CEP63: variants seen among roughly 807,000 people sequenced by gnomAD.
CEP63 encodes the protein centrosomal protein 63.
A neutral mutation model predicts 89.1 loss-of-function variants in CEP63; 84 were observed. The ratio of observed to expected loss-of-function variants is 0.94; its 90% confidence interval spans 0.79 to 1.13. CEP63 has a LOEUF of 1.13. Ranked by LOEUF, CEP63 falls within the 50% of genes most tolerant of loss-of-function variation. The pLI is 0.00. For synonymous variants in CEP63, 267 were observed against 272.5 expected (o/e 0.98, Z 0.20); for missense variants, 838 against 813.3 (o/e 1.03, Z -0.37).
chr3:134,573,960 G>T (rs184134925), intron 11 of CEP63, among the ~76,000 whole-genome samples: 1 of 152,190 alleles, frequency 6.6e-6, no homozygotes, highest in Admixed American at 6.5e-5. Flanking sequence ...GATGGTGAGT[G>T]CTCTTCTCCT....
intron 11 of CEP63, among the ~76,000 whole-genome samples, chr3:134,574,536 G>A (rs1229679665): frequency 6.6e-6 from 1 of 152,080 alleles, no homozygotes; most frequent in Non-Finnish European, 1.5e-5. Flanking sequence ...CTTCAAATTA[G>A]CATTTCTCAT....
chr3:134,765,797 G>A, the CEP63 span, among the ~76,000 whole-genome samples: 2 of 152,184 alleles, frequency 1.3e-5, no homozygotes, highest in African/African-American at 4.8e-5. Context: ...AGCAGCATCA[G>A]CATCACCTGA....
chr3:134,537,133 A>T (rs1446015468), intron 5 of CEP63, 22 bp from the exon 6 acceptor site: 7 of 1,453,062 alleles, frequency 4.8e-6, no homozygotes, highest in South Asian at 3.4e-5. Context: ...TCAGAAATTA[A>T]GTACTCTAAT....
chr3:134,555,602 C>T (rs1371995243), intron 12 of CEP63, among the ~76,000 whole-genome samples: 3 of 152,012 alleles, frequency 2.0e-5, no homozygotes, highest in African/African-American at 7.3e-5. Flanking sequence ...AACTACAAAC[C>T]ACTGCTCAAG....
At chr3:134,526,707 T>C (rs2108894942) in intron 3 of CEP63, among the ~76,000 whole-genome samples, 1 of 152,316 alleles carries the variant, frequency 6.6e-6, no homozygotes, top group South Asian at 2.1e-4. Context: ...GTTCTTGCAC[T>C]ATTTCTTTCT....
At chr3:134,669,489 T>A in the CEP63 span, among the ~76,000 whole-genome samples, 1 of 152,200 alleles carries the variant, frequency 6.6e-6, no homozygotes, top group African/African-American at 2.4e-5. Context: ...GGGCCCAAGT[T>A]GCTTTTCAGC....
At chr3:134,617,480 G>A in the CEP63 span, among the ~76,000 whole-genome samples, 6 of 152,254 alleles carry the variant, frequency 3.9e-5, no homozygotes, top group South Asian at 4.1e-4. Context: ...GTATACAATC[G>A]ATAGGATGTA....
chr3:134,617,600 A>AT, the CEP63 span, among the ~76,000 whole-genome samples: 1 of 152,226 alleles, frequency 6.6e-6, no homozygotes, highest in Non-Finnish European at 1.5e-5. Flanking sequence ...CAGAGTAATA[A>AT]TTTCTTTTTT....
chr3:134,544,635 GT>G (rs566801452), intron 6 of CEP63, among the ~76,000 whole-genome samples: 2 of 92,974 alleles, frequency 2.2e-5, no homozygotes, highest in African/African-American at 3.5e-5. Context: ...CATGCTCTAG[GT>G]GGGGGGGGGA....
intron 3 of CEP63, among the ~76,000 whole-genome samples, chr3:134,509,819 A>G (rs1056692316): frequency 6.6e-6 from 1 of 152,228 alleles, no homozygotes; most frequent in African/African-American, 2.4e-5. Context: ...TTGAAAACAA[A>G]TGGTCCAACC....
intron 2 of CEP63, among the ~76,000 whole-genome samples, chr3:134,504,256 A>AT (rs113610839): frequency 0.66 from 100,092 of 151,790 alleles, 33,394 homozygotes; most frequent in East Asian, 0.81. Context: ...TCCCATATGC[A>AT]TTTTTTGTAG....
chr3:134,561,001 T>C (rs1335498715), intron 14 of CEP63, among the ~76,000 whole-genome samples: 1 of 152,258 alleles, frequency 6.6e-6, no homozygotes, highest in Non-Finnish European at 1.5e-5. Context: ...GCATCTAATT[T>C]ATTTTTGTTA....
intron 6 of CEP63, among the ~76,000 whole-genome samples, chr3:134,543,130 A>G (rs1013878265): frequency 1.4e-4 from 22 of 152,176 alleles, no homozygotes; most frequent in African/African-American, 5.1e-4. Context: ...AAAATTTTCT[A>G]CTAGTCACAT....
At chr3:134,670,339 G>A in the CEP63 span, among the ~76,000 whole-genome samples, 167 of 152,298 alleles carry the variant, frequency 1.1e-3, no homozygotes, top group African/African-American at 3.9e-3. Context: ...TAAAAAAAGA[G>A]TTGCTAGCTA....
At chr3:134,566,997 C>A (rs1957793521), downstream of CEP63, among the ~76,000 whole-genome samples, 1 of 152,012 alleles carries the variant, frequency 6.6e-6, no homozygotes, top group Non-Finnish European at 1.5e-5. Flanking sequence ...CACAATAACA[C>A]CAAAGTGGAA....
chr3:134,743,536 C>A, the CEP63 span, among the ~76,000 whole-genome samples: 1 of 152,136 alleles, frequency 6.6e-6, no homozygotes, highest in Non-Finnish European at 1.5e-5. Flanking sequence ...ACTGAGGATT[C>A]ACTCCATGTA....
At chr3:134,685,939 G>T in the CEP63 span, among the ~76,000 whole-genome samples, 1 of 152,194 alleles carries the variant, frequency 6.6e-6, no homozygotes, top group African/African-American at 2.4e-5. Flanking sequence ...TCCATGCCAG[G>T]CTCTGGGCTA....
chr3:134,504,966 C>A (rs71331765), intron 2 of CEP63, among the ~76,000 whole-genome samples: 1 of 151,994 alleles, frequency 6.6e-6, no homozygotes, highest in Non-Finnish European at 1.5e-5. Context: ...CTGTTTGGCT[C>A]TTTTTAATGA....
chr3:134,703,758 A>T, the CEP63 span, among the ~76,000 whole-genome samples: 6 of 152,210 alleles, frequency 3.9e-5, no homozygotes, highest in Admixed American at 6.5e-5. Flanking sequence ...ACAAATCCAC[A>T]CATCCTGCAC....
Sources: allele counts gnomAD v4.1 joint callset (sites outside exome capture counted in the v4.1 genomes callset), GRCh38; gene constraint gnomAD v4.1.1; transcripts MANE v1.5; gene names NCBI Gene and HGNC (gene_info 2026-07-23, HGNC 2026-07-21).